Variants in RNF40 observed in about 807,000 individuals in gnomAD.
The protein encoded by RNF40 is ring finger protein 40.
Under a neutral mutation model 123.3 loss-of-function variants are expected in RNF40, and 39 were observed. The observed-to-expected ratio is 0.32, with a 90% CI of 0.24 to 0.41. The LOEUF (loss-of-function observed/expected upper bound fraction) is 0.41. Ranked by LOEUF, RNF40 falls within the 10% of genes least tolerant of loss-of-function variation. RNF40 has a pLI of 1.00. For synonymous variants in RNF40, 538 were observed against 526.0 expected, an observed-to-expected ratio of 1.02 and a Z score of -0.31; for missense variants, 1,003 against 1,319.9, an observed-to-expected ratio of 0.76 and a Z score of 3.72.
chr16:30,772,727 C>T (rs766890828), intron 19 of RNF40, among the ~76,000 whole-genome samples: 11 of 152,288 alleles, frequency 7.2e-5, no homozygotes, highest in Non-Finnish European at 1.6e-4. Context: ...GAGGTTGGGC[C>T]GTGTCACCTC....
At chr16:30,770,621 A>G (rs11642466) in intron 17 of RNF40, among the ~76,000 whole-genome samples, 10,588 of 152,316 alleles carry the variant, frequency 0.07, 475 homozygotes, top group Non-Finnish European at 0.11. Context: ...AGCTTTGGCT[A>G]AAGGCTTAAG....
intron 5 of RNF40, 27 bp downstream of exon 5, chr16:30,764,412 G>C (rs775117653): frequency 1.9e-6 from 3 of 1,590,288 alleles, no homozygotes; most frequent in Non-Finnish European, 2.6e-6. Flanking sequence ...CATACTGAAG[G>C]GGTGTCCATC....
At chr16:30,763,060 T>G in intron 2 of RNF40, 58 bp from the exon 3 acceptor site, 2 of 1,585,816 alleles carry the variant, frequency 1.3e-6, no homozygotes, top group South Asian at 1.1e-5. Flanking sequence ...TCTCTCTCTG[T>G]GATTGGTTTG....
rs748554489 is a variant in RNF40 at position 30,765,338 on chromosome 16, G to A, written c.918+11G>A. 4.6e-5 allele frequency: 75 copies of A among 1,614,068 alleles called. No individual in the cohort carries two copies. The highest frequency in any genetic ancestry group is 5.8e-5 in the Non-Finnish European group (69 of 1,180,030). On this transcript the variant is annotated intron_variant, in intron 7 of 19. Transcript: ENST00000324685. ...GAGGCCTTAGAGCAGGTGGGGCAGG[G>A]GTGCTGGGGCAGGTGAGGCAAGGCT...
At chr16:30,769,623 C>G in intron 17 of RNF40, 23 bp downstream of exon 17, 1 of 1,520,258 alleles carries the variant, frequency 6.6e-7, no homozygotes. Context: ...CAGGGGGACA[C>G]ACAGCTTGGG....
rs1161333048 is a variant in RNF40, at chr16:30,771,732, T to C, written c.2587-101T>C. The C allele has an allele frequency of 2.3e-6, 3 of 1,331,648 alleles. No homozygotes were observed. The African/African-American group carries it at 4.4e-5, about 20-fold the overall frequency. The allele number at this position is 1,331,648 out of a possible 1,614,324, so 82.5% of individuals were successfully genotyped here. On this transcript the variant is annotated intron_variant, in intron 17 of 19. Transcript: ENST00000324685. ...GAGGCAGGAGCAGCTCCAGGGCAGG[T>C]GTCACTGGGGCCCTGGACAGAAGCA...
chr16:30,763,408 C>G lies in RNF40; in HGVS notation c.301-10C>G, dbSNP rs771344995. The G allele has an allele frequency of 6.3e-7, 1 of 1,598,974 alleles. No homozygotes were observed. The highest frequency in any genetic ancestry group is 1.1e-5 in the South Asian group (1 of 89,408). On this transcript the variant is annotated splice_polypyrimidine_tract_variant and intron_variant, in intron 3 of 19. Coordinates refer to ENST00000324685, the MANE Select transcript of RNF40 (RefSeq NM_014771.4). The stretch of plus-strand genomic sequence containing the variant: ...GGATTCATAACATTTTTGATGTTTT[C>G]TCCTTCCAGCTGGATGAAACTGTGG...
rs368101203 is a variant in RNF40 at position 30,769,015 on chromosome 16, G to C, written c.2247+28G>C. Reference sequence around the variant, plus strand: ...GCGGCCCATGTGGTGCCCTCGCGTCGGAGCGCAGGGAGTTCCCTTCATACC... The same window carrying C: ...GCGGCCCATGTGGTGCCCTCGCGTCCGAGCGCAGGGAGTTCCCTTCATACC... On this transcript the variant is annotated intron_variant, in intron 15 of 19. Coordinates refer to ENST00000324685, the MANE Select transcript of RNF40 (RefSeq NM_014771.4). The C allele has an allele frequency of 2.9e-5, 47 of 1,613,198 alleles. No homozygotes were observed. The African/African-American group carries it at 3.1e-4, about 11-fold the overall frequency.
At chr16:30,763,048 T>G in intron 2 of RNF40, 70 bp from the exon 3 acceptor site, 1 of 1,569,842 alleles carries the variant, frequency 6.4e-7, no homozygotes, top group Non-Finnish European at 8.7e-7. Flanking sequence ...TCTGCTCCTC[T>G]TTCTCTCTCT....
Position 30,766,160 on chromosome 16 carries a change from T to TA in RNF40, c.994-2dup, listed in dbSNP as rs1462331113. 10 of 1,613,830 alleles carry TA rather than the reference T, an allele frequency of 6.2e-6. No individual in the cohort carries two copies. The highest frequency in any genetic ancestry group is 7.6e-6 in the Non-Finnish European group (9 of 1,179,938). ...TCCCATGGCCCTGCCTCCCACTCCT[T>TA]AGTTTGAGATGCTGAATGCAGAGTT... On this transcript the variant is annotated splice_region_variant and splice_polypyrimidine_tract_variant and intron_variant, in intron 8 of 19. Coordinates refer to ENST00000324685, the MANE Select transcript of RNF40 (RefSeq NM_014771.4). This position sits in a 1 kb window ranked among gnomAD's most constrained non-coding sequence, Gnocchi z 5.4.
In RNF40 at chr16:30,766,355, C is replaced by T. The variant is rs755073682; in HGVS notation, c.1114-24C>T. Reference sequence around the variant, plus strand: ...CTGAGCCCTGAATCCTGTTGCTGATCCCATTTGGGCATCCCTGCCCCAGGT... The same window carrying T: ...CTGAGCCCTGAATCCTGTTGCTGATTCCATTTGGGCATCCCTGCCCCAGGT... On this transcript the variant is annotated intron_variant, in intron 9 of 19. Coordinates refer to ENST00000324685, the MANE Select transcript of RNF40 (RefSeq NM_014771.4). The surrounding 1 kb of genome is among the most constrained non-coding windows in gnomAD (Gnocchi z 5.4). 1 of 1,611,826 alleles carries T rather than the reference C, an allele frequency of 6.2e-7. No individual in the cohort carries two copies. The highest frequency in any genetic ancestry group is 8.5e-7 in the Non-Finnish European group (1 of 1,178,262).
chr16:30,765,150 ATCCAAGCATCTGC>A lies in RNF40; in HGVS notation c.772-27_772-15del, dbSNP rs767812569. ...AGGGACCTCAGGAACCAAGTCCCCC[ATCCAAGCATCTGC>A]TCCCTCATTGTTCCCAGTACTCCGA... is the stretch of plus-strand genomic sequence containing the variant. On this transcript the variant is annotated intron_variant, in intron 6 of 19. Transcript: ENST00000324685. 1 of 1,612,596 alleles carries A rather than the reference ATCCAAGCATCTGC, an allele frequency of 6.2e-7. No individual in the cohort carries two copies. The highest frequency in any genetic ancestry group is 1.1e-5 in the South Asian group (1 of 91,068).
Position 30,768,177 on chromosome 16 carries a change from C to G in RNF40, c.1626C>G (p.Ala542=), listed in dbSNP as rs149944221. The part of the protein sequence containing the change: ...LGHPEDSGVS[A]PAPGKEEGGP... The stretch of plus-strand genomic sequence containing the variant: ...ACCCAGAGGATTCTGGCGTCAGTGC[C>G]CCAGCCCCAGGGAAAGAGGAGGGTG... Residue 542 remains alanine (A), a synonymous_variant, in exon 13 of 20, where the codon GCC becomes GCG. Transcript: ENST00000324685. This position sits in a 1 kb window ranked among gnomAD's most constrained non-coding sequence, Gnocchi z 4.1. The G allele has an allele frequency of 7.4e-6, 12 of 1,612,294 alleles. No homozygotes were observed. The highest frequency in any genetic ancestry group is 1.0e-5 in the Non-Finnish European group (12 of 1,179,334).
rs773106937 is a variant in RNF40, at chr16:30,766,875, G to T, written c.1428G>T (p.Ala476=). 3 of 1,612,914 alleles carry T rather than the reference G, an allele frequency of 1.9e-6. No homozygotes were observed. The Admixed American group carries it at 5.0e-5, about 27-fold the overall frequency. The change falls in exon 11 of 20, where the codon GCG becomes GCT. Residue 476 remains alanine (A), a splice_region_variant and synonymous_variant. Coordinates refer to ENST00000324685, the MANE Select transcript of RNF40 (RefSeq NM_014771.4). This position sits in a 1 kb window ranked among gnomAD's most constrained non-coding sequence, Gnocchi z 5.4. The part of the protein sequence containing the change: ...FEQNLAANEQ[A]GPINREMRHL... ...AGAATCTGGCGGCCAACGAGCAGGCGGGTATGTGGTGAGGATAGGGCGGAG... is the reference window on the plus strand; with the variant it reads ...AGAATCTGGCGGCCAACGAGCAGGCTGGTATGTGGTGAGGATAGGGCGGAG...
Position 30,763,445 on chromosome 16 carries a change from C to G in RNF40, c.328C>G (p.Arg110Gly). The G allele has an allele frequency of 6.2e-7, 1 of 1,608,782 alleles. No individual in the cohort carries two copies. The highest frequency in any genetic ancestry group is 8.5e-7 in the Non-Finnish European group (1 of 1,177,846). ...QLDETVEALL[R>G]CHESQGELSS... Reference sequence around the variant, plus strand: ...GGATGAAACTGTGGAAGCCCTTCTCCGATGCCATGAGAGCCAGGGGGAGCT... The same window carrying G: ...GGATGAAACTGTGGAAGCCCTTCTCGGATGCCATGAGAGCCAGGGGGAGCT... Residue 110 changes from arginine to glycine, a missense_variant, in exon 4 of 20, where the codon CGA becomes GGA. Physicochemically the swap from Arg to Gly is moderately radical, Grantham distance 125. Around this residue, in one of 11 missense-constraint regions of RNF40, gnomAD observed 104 missense variants for 85.2 expected, o/e 1.22. Transcript: ENST00000324685.
chr16:30,769,746 C>A, intron 17 of RNF40, 146 bp downstream of exon 17: 1 of 864,674 alleles, frequency 1.2e-6, no homozygotes, highest in Non-Finnish European at 1.7e-6. Context: ...TTTACATGTG[C>A]CAGACCACAT....
rs1692119715 is a variant in RNF40 at position 30,775,036 on chromosome 16, CTGCCCAGCCA to C, written c.*926_*935del. The C allele has an allele frequency of 2.2e-6, 1 of 456,402 alleles. No individual in the cohort carries two copies. Among genetic ancestry groups the C allele is most frequent in the Non-Finnish European group, 4.4e-6 (1 of 226,808 alleles). 28.3% of individuals were successfully genotyped at this position (456,402 alleles called of 1,614,324 possible). On this transcript the variant is annotated 3_prime_UTR_variant, in exon 20 of 20. Coordinates refer to ENST00000324685, the MANE Select transcript of RNF40 (RefSeq NM_014771.4). ...GTGACTGAGCCTGTGTCCTGTCTGC[CTGCCCAGCCA>C]TGCTCCATCGGCTGTGAGGGCAGTG...
chr16:30,762,041 C>G (rs980234141), upstream of RNF40: 16 of 480,642 alleles, frequency 3.3e-5, no homozygotes, highest in Non-Finnish European at 5.9e-5. Context: ...CCTGGGCGCC[C>G]TCTCTTCCAG....
chr16:30,769,657 C>T (rs903680509), intron 17 of RNF40, 57 bp downstream of exon 17: 2 of 1,473,324 alleles, frequency 1.4e-6, no homozygotes, highest in African/African-American at 2.8e-5. Flanking sequence ...TCCTCACCTT[C>T]CGGTTCTGCT....
Sources: gnomAD v4.1 joint callset for allele counts (sites outside exome capture counted in the v4.1 genomes callset) on GRCh38, gnomAD v4.1.1 for gene constraint, gnomAD v4.1.1 regional missense constraint, Gnocchi (gnomAD v3.1) non-coding constraint, MANE v1.5 for transcripts, NCBI Gene and HGNC (gene_info 2026-07-23, HGNC 2026-07-21) for gene names.